The following CFAP54 variants were observed in gnomAD, a reference collection of about 807,000 sequenced individuals.
CFAP54 encodes cilia and flagella associated protein 54.
Under a neutral mutation model 370.4 loss-of-function variants are expected in CFAP54, and 290 were observed. That is an observed-to-expected ratio of 0.78 (90% CI 0.71 to 0.86). The LOEUF is 0.86. Among genes scored for constraint, CFAP54 ranks in the 40% least tolerant of loss-of-function variants. The pLI, the probability that CFAP54 is intolerant of heterozygous loss-of-function variation, is 0.00. For synonymous variants in CFAP54, 1,206 were observed against 1,236.5 expected (o/e 0.98, Z 0.52); for missense variants, 3,399 against 3,528.7 (o/e 0.96, Z 0.93).
chr12:96,682,050 T>C, intron 40 of CFAP54: 1 of 601,626 alleles, frequency 1.7e-6, no homozygotes, highest in African/African-American at 2.0e-5. Context: ...ATTTCCTTTC[T>C]TTTTGCTTTC....
At chr12:96,784,939 A>G (rs2136693827) in intron 61 of CFAP54, 49 bp downstream of exon 61, 10 of 1,273,338 alleles carry the variant, frequency 7.9e-6, no homozygotes, top group South Asian at 1.9e-5. Flanking sequence ...TCTAATTCCC[A>G]TTTAAGTCAT....
At chr12:96,612,697 CT>C (rs1956372381) in intron 26 of CFAP54, among the ~76,000 whole-genome samples, 2 of 152,096 alleles carry the variant, frequency 1.3e-5, no homozygotes, top group African/African-American at 2.4e-5. Context: ...GGAGGAAGAT[CT>C]ACTAAGCACA....
At chr12:96,652,157 G>T (rs1317896548) in intron 36 of CFAP54, among the ~76,000 whole-genome samples, 1 of 152,130 alleles carries the variant, frequency 6.6e-6, no homozygotes, top group Non-Finnish European at 1.5e-5. Flanking sequence ...ATAAAGATGT[G>T]ATCAGCTGGT....
rs190837392 is a variant in CFAP54, at chr12:96,579,690, A to G, written c.2797-907A>G. Among the ~76,000 whole-genome samples, 336 of 152,234 alleles carry G rather than the reference A, an allele frequency of 2.2e-3. 2 individuals are homozygous for G. The highest frequency in any genetic ancestry group is 7.8e-3 in the African/African-American group (322 of 41,538). On this transcript the variant is annotated intron_variant, in intron 20 of 67. Transcript: ENST00000524981. ...ACCCTCAGCAGTATGGCTTGTTCAT[A>G]ATACTACCCCGTCAGGTGTCACCTA...
rs1309040729 is a variant in CFAP54, at chr12:96,739,231, A to G, written c.6966-725A>G. Reference sequence around the variant, plus strand: ...GCATACAGGTTGTTCTGTATTTTGAATTTTGTTTTGGAATACATTTTCAAA... The same window carrying G: ...GCATACAGGTTGTTCTGTATTTTGAGTTTTGTTTTGGAATACATTTTCAAA... On this transcript the variant is annotated intron_variant, in intron 50 of 67. Coordinates refer to ENST00000524981, the MANE Select transcript of CFAP54 (RefSeq NM_001306084.2). Among the ~76,000 whole-genome samples the G allele has an allele frequency of 2.6e-5, 4 of 152,084 alleles. No individual in the cohort carries two copies. In the East Asian group the frequency reaches 5.8e-4, roughly 22 times the overall value.
At chr12:96,712,405 T>C (rs1203443020) in intron 48 of CFAP54, among the ~76,000 whole-genome samples, 7 of 152,156 alleles carry the variant, frequency 4.6e-5, no homozygotes, top group Admixed American at 4.6e-4. Flanking sequence ...AAATTTAATA[T>C]GTAATAGTTG....
intron 55 of CFAP54, 30 bp from the exon 56 acceptor site, chr12:96,753,713 T>G: frequency 6.2e-7 from 1 of 1,604,128 alleles, no homozygotes; most frequent in Non-Finnish European, 8.5e-7. Flanking sequence ...TATTTTTTTG[T>G]TCTTCCCCAC....
intron 67 of CFAP54, among the ~76,000 whole-genome samples, chr12:96,861,834 A>G (rs1423699866): frequency 6.6e-6 from 1 of 152,190 alleles, no homozygotes; most frequent in Non-Finnish European, 1.5e-5. Context: ...TTGGAAAAGG[A>G]CCGTGCATTT....
In CFAP54 at chr12:96,598,660, A is replaced by T. The variant is rs1037831656; in HGVS notation, c.3532A>T (p.Ile1178Leu). The change falls in exon 26 of 68, where the codon ATA becomes TTA. Residue 1178 changes from isoleucine to leucine, a missense_variant. Ile to Leu is a conservative substitution (Grantham distance 5). Transcript: ENST00000524981. ...VPVVQILIKC[I>L]VVLQGLPSIV... ...TAATTTTTAGATCCTGATAAAGTGTATAGTGGTTTTGCAAGGACTACCAAG... is the reference window on the plus strand; with the variant it reads ...TAATTTTTAGATCCTGATAAAGTGTTTAGTGGTTTTGCAAGGACTACCAAG... 4 of 668,548 alleles carry T rather than the reference A, an allele frequency of 6.0e-6. No homozygotes were observed. The highest frequency in any genetic ancestry group is 1.1e-5 in the Non-Finnish European group (4 of 366,784). The allele number at this position is 668,548 out of a possible 1,614,324, so 41.4% of individuals were successfully genotyped here. A position where few individuals can be genotyped will look rare whatever the true frequency, so the allele number is the denominator to read the frequency against.
At chr12:96,557,509 A>G (rs1955765968) in intron 17 of CFAP54, among the ~76,000 whole-genome samples, 2 of 152,224 alleles carry the variant, frequency 1.3e-5, no homozygotes, top group Admixed American at 1.3e-4. Flanking sequence ...AGCAGTGTTC[A>G]TAATAGCAAA....
chr12:96,869,933 C>CA (rs760992300), intron 67 of CFAP54, among the ~76,000 whole-genome samples: 1,717 of 36,444 alleles, frequency 0.047, 17 homozygotes, highest in Non-Finnish European at 0.058. Context: ...AAAACTCCGT[C>CA]AAAAAAAAAA....
chr12:96,787,235 T>C (rs1958638475), intron 62 of CFAP54, among the ~76,000 whole-genome samples: 1 of 152,234 alleles, frequency 6.6e-6, no homozygotes, highest in Non-Finnish European at 1.5e-5. Context: ...AAAACTAGAC[T>C]GATAGTGTCT....
intron 39 of CFAP54, among the ~76,000 whole-genome samples, chr12:96,679,391 CTT>C (rs200480679): frequency 1.5e-5 from 2 of 137,832 alleles, no homozygotes; most frequent in East Asian, 2.1e-4. Flanking sequence ...GTTTTCCAAG[CTT>C]TTTTTTTTTT....
intron 66 of CFAP54, among the ~76,000 whole-genome samples, chr12:96,835,171 A>G (rs1339323550): frequency 6.6e-6 from 1 of 152,028 alleles, no homozygotes; most frequent in African/African-American, 2.4e-5. Context: ...GGTAGTCCCA[A>G]CATCTCTGCA....
chr12:96,521,535 T>C (rs1162693634), intron 6 of CFAP54, among the ~76,000 whole-genome samples: 1 of 130,298 alleles, frequency 7.7e-6, no homozygotes, highest in Non-Finnish European at 1.6e-5. Context: ...TGTGTGTGTG[T>C]GTGTGTGTGT....
At chr12:96,694,790 G>A (rs181844651) in intron 45 of CFAP54, among the ~76,000 whole-genome samples, 2 of 152,052 alleles carry the variant, frequency 1.3e-5, no homozygotes, top group South Asian at 2.1e-4. Context: ...TTGGGAGGCC[G>A]GGGTGGGCGG....
At chr12:96,574,985 C>A (rs1365351434) in intron 19 of CFAP54, among the ~76,000 whole-genome samples, 1 of 152,070 alleles carries the variant, frequency 6.6e-6, no homozygotes, top group Non-Finnish European at 1.5e-5. Context: ...TTTATGAACT[C>A]ATTTGAGCCT....
At chr12:96,796,058 C>T (rs537691839) in intron 63 of CFAP54, among the ~76,000 whole-genome samples, 1 of 152,310 alleles carries the variant, frequency 6.6e-6, no homozygotes, top group East Asian at 1.9e-4. Context: ...GATATGGACC[C>T]TCAGATTCCC....
At chr12:96,551,565 A>C (rs1204453829) in intron 15 of CFAP54, among the ~76,000 whole-genome samples, 1 of 151,448 alleles carries the variant, frequency 6.6e-6, no homozygotes, top group East Asian at 1.9e-4. Context: ...TATTCTAGGA[A>C]TGCCAGGATG....
Sources: allele counts gnomAD v4.1 joint callset (sites outside exome capture counted in the v4.1 genomes callset), GRCh38; gene constraint gnomAD v4.1.1; transcripts MANE v1.5; gene names NCBI Gene and HGNC (gene_info 2026-07-23, HGNC 2026-07-21).